Variants in UBE2D1 observed in about 807,000 individuals in gnomAD.
The protein encoded by UBE2D1 is ubiquitin conjugating enzyme E2 D1.
In UBE2D1, 9 loss-of-function variants were observed where a neutral mutation model predicts 24.6. The ratio of observed to expected loss-of-function variants is 0.37; its 90% CI spans 0.22 to 0.64. The LOEUF is 0.64. Ranked by LOEUF, UBE2D1 falls within the 30% of genes least tolerant of loss-of-function variation. UBE2D1 has a pLI of 0.64. For missense variants in UBE2D1, 87 were observed against 177.1 expected (o/e 0.49, Z 2.89); for synonymous variants, 57 against 57.6 (o/e 0.99, Z 0.04).
intron 1 of UBE2D1, among the ~76,000 whole-genome samples, chr10:58,341,677 C>T (rs746075951): frequency 6.6e-6 from 1 of 152,100 alleles, no homozygotes; most frequent in Non-Finnish European, 1.5e-5. Context: ...AGCAAAATAG[C>T]GTCCTTACTC....
At chr10:58,354,312 G>C (rs548697306) in intron 1 of UBE2D1, among the ~76,000 whole-genome samples, 15 of 151,882 alleles carry the variant, frequency 9.9e-5, no homozygotes, top group African/African-American at 3.6e-4. Context: ...ATGAAAGGAA[G>C]GTTATTTTAG....
At chr10:58,356,061 CT>C (rs1360404080) in intron 1 of UBE2D1, among the ~76,000 whole-genome samples, 1 of 152,012 alleles carries the variant, frequency 6.6e-6, no homozygotes, top group Admixed American at 6.6e-5. Context: ...CATTTTATCT[CT>C]TTTTTTATAT....
intron 1 of UBE2D1, chr10:58,361,024 T>C: frequency 2.1e-6 from 1 of 481,324 alleles, no homozygotes; most frequent in Middle Eastern, 3.1e-4. Flanking sequence ...TCTGATATAT[T>C]ATCAACCTAG....
rs1008843288 is a variant in UBE2D1 at position 58,363,786 on chromosome 10, A to G, written c.198+100A>G. ...CTAGAGCTCATTTGATATGTCAAAG[A>G]CTGTGGGGAGGTTAGCATTTTCAAA... is the stretch of plus-strand genomic sequence containing the variant. On this transcript the variant is annotated intron_variant, in intron 4 of 6. Transcript: ENST00000373910. 2.5e-5 allele frequency: 20 copies of G among 812,906 alleles called. No homozygotes were observed. The African/African-American group carries it at 2.7e-4, about 11-fold the overall frequency. 50.4% of individuals were successfully genotyped at this position (812,906 alleles called of 1,614,324 possible). A position where few individuals can be genotyped will look rare whatever the true frequency, so the allele number is the denominator to read the frequency against.
intron 1 of UBE2D1, among the ~76,000 whole-genome samples, chr10:58,352,532 T>A (rs1175299188): frequency 1.3e-5 from 2 of 151,918 alleles, no homozygotes; most frequent in Non-Finnish European, 2.9e-5. Flanking sequence ...GAGGATTGCT[T>A]GAGCGCAGGA....
intron 3 of UBE2D1, 151 bp from the exon 4 acceptor site, chr10:58,363,458 G>C: frequency 1.8e-6 from 1 of 570,150 alleles, no homozygotes; most frequent in Non-Finnish European, 3.0e-6. Flanking sequence ...ATGACAAAAT[G>C]GTTGCATTTT....
chr10:58,362,918 A>T (rs4145785), intron 3 of UBE2D1, among the ~76,000 whole-genome samples: 66,626 of 151,268 alleles, frequency 0.44, 14,802 homozygotes, highest in African/African-American at 0.52. Context: ...TTCTTTTTTT[A>T]AAATTTTTTT....
chr10:58,359,831 A>G (rs1056944876), intron 1 of UBE2D1, among the ~76,000 whole-genome samples: 1 of 152,192 alleles, frequency 6.6e-6, no homozygotes, highest in African/African-American at 2.4e-5. Context: ...ATACATATCT[A>G]TGACTTCTCT....
intron 5 of UBE2D1, among the ~76,000 whole-genome samples, chr10:58,366,022 A>G (rs548083917): frequency 1.5e-3 from 221 of 152,300 alleles, no homozygotes; most frequent in Admixed American, 3.0e-3. Flanking sequence ...ATTCATATAG[A>G]TTCTCATATT....
chr10:58,349,158 T>C (rs982849953), intron 1 of UBE2D1, among the ~76,000 whole-genome samples: 6 of 152,368 alleles, frequency 3.9e-5, no homozygotes, highest in African/African-American at 1.4e-4. Flanking sequence ...AGTGCTTTTA[T>C]AGTTCTAGTC....
In UBE2D1 at chr10:58,364,825, T is replaced by G; in HGVS notation, c.253T>G (p.Cys85Gly). The change falls in exon 5 of 7, where the codon TGT (cysteine) becomes GGT (glycine). Residue 85 changes from cysteine (C) to glycine (G), a missense_variant. Coordinates refer to ENST00000373910, the MANE Select transcript of UBE2D1 (RefSeq NM_003338.5). ...HPNINSNGSI[C>G]LDILRSQWSP... The stretch of plus-strand genomic sequence containing the variant: ...AAACATAAACAGTAATGGAAGTATT[T>G]GTCTCGATATTCTGAGGTCACAATG... 1 of 1,613,806 alleles carries G rather than the reference T, an allele frequency of 6.2e-7. No individual in the cohort carries two copies. Among genetic ancestry groups the G allele is most frequent in the Non-Finnish European group, 8.5e-7 (1 of 1,179,862 alleles).
At chr10:58,342,257 G>T (rs921336670) in intron 1 of UBE2D1, among the ~76,000 whole-genome samples, 2 of 152,114 alleles carry the variant, frequency 1.3e-5, no homozygotes, top group African/African-American at 4.8e-5. Flanking sequence ...CTTTCTGGAT[G>T]TATTTCCCAC....
intron 1 of UBE2D1, among the ~76,000 whole-genome samples, chr10:58,353,328 G>A (rs1212149734): frequency 6.6e-6 from 1 of 152,062 alleles, no homozygotes; most frequent in African/African-American, 2.4e-5. Context: ...GTTAACCATG[G>A]AATAAACAAA....
chr10:58,353,847 C>G (rs1451948821), intron 1 of UBE2D1, among the ~76,000 whole-genome samples: 1 of 152,120 alleles, frequency 6.6e-6, no homozygotes, highest in Non-Finnish European at 1.5e-5. Context: ...TCTCTAATCA[C>G]TTGCATTTGT....
Position 58,368,735 on chromosome 10 carries a change from A to G in UBE2D1, c.414A>G (p.Ala138=), listed in dbSNP as rs1840283898. ...GTATCTACAGATACAACAGACATGC[A>G]AGAGAATGGACTCAGAAATATGCAA... ...KSDKEKYNRH[A]REWTQKYAM Residue 138 remains alanine, a synonymous_variant, in exon 7 of 7, where the codon GCA becomes GCG. Coordinates refer to ENST00000373910, the MANE Select transcript of UBE2D1 (RefSeq NM_003338.5). The G allele has an allele frequency of 6.3e-7, 1 of 1,590,936 alleles. No individual in the cohort carries two copies. Among genetic ancestry groups the G allele is most frequent in the South Asian group, 1.1e-5 (1 of 87,900 alleles).
chr10:58,357,896 C>T (rs1329686943), intron 1 of UBE2D1, among the ~76,000 whole-genome samples: 6 of 152,090 alleles, frequency 3.9e-5, no homozygotes, highest in Non-Finnish European at 2.9e-5. Context: ...TGTGGATGAG[C>T]TGTAATAAAG....
At chr10:58,362,708 C>A (rs1222307000) in intron 3 of UBE2D1, among the ~76,000 whole-genome samples, 3 of 151,906 alleles carry the variant, frequency 2.0e-5, no homozygotes, top group Non-Finnish European at 2.9e-5. Flanking sequence ...ATATTTCTTA[C>A]AATTTTTGAT....
chr10:58,370,008 A>G lies in UBE2D1; in HGVS notation c.*1243A>G, dbSNP rs1840297637. ...ATTTCTTAACATTTTAAAATCTAGA[A>G]TTTCTAAAATGGAATTTAATGCCAT... On this transcript the variant is annotated 3_prime_UTR_variant, in exon 7 of 7. Transcript: ENST00000373910. The G allele has an allele frequency of 6.6e-6, 1 of 151,874 alleles. No individual in the cohort carries two copies. Among genetic ancestry groups the G allele is most frequent in the Non-Finnish European group, 1.5e-5 (1 of 67,836 alleles). The allele number at this position is 151,874 out of a possible 1,614,324, so 9.4% of individuals were successfully genotyped here. A position where few individuals can be genotyped will look rare whatever the true frequency, so the allele number is the denominator to read the frequency against.
intron 1 of UBE2D1, among the ~76,000 whole-genome samples, chr10:58,343,312 C>T (rs890393164): frequency 1.3e-5 from 2 of 151,930 alleles, no homozygotes; most frequent in Non-Finnish European, 2.9e-5. Context: ...GAATAATAAA[C>T]ATCCACTTTT....
Sources: gnomAD v4.1 joint callset for allele counts (sites outside exome capture counted in the v4.1 genomes callset) on GRCh38, gnomAD v4.1.1 for gene constraint, MANE v1.5 for transcripts, NCBI Gene and HGNC (gene_info 2026-07-23, HGNC 2026-07-21) for gene names.